DCC: variants seen among roughly 807,000 people sequenced by gnomAD.
DCC encodes the protein DCC netrin 1 receptor.
Under a neutral mutation model 172.5 loss-of-function variants are expected in DCC, and 58 were observed. The observed-to-expected ratio is 0.34, with a 90% CI of 0.27 to 0.42. The LOEUF is 0.42. Among genes scored for constraint, DCC ranks in the 10% least tolerant of loss-of-function variants. DCC has a pLI of 1.00. For synonymous variants in DCC, 709 were observed against 644.5 expected (o/e 1.10, Z -1.52); for missense variants, 1,740 against 1,791.0 (o/e 0.97, Z 0.51).
chr18:53,055,590 T>G (rs1370379403), intron 5 of DCC, among the ~76,000 whole-genome samples: 1 of 152,194 alleles, frequency 6.6e-6, no homozygotes, highest in Non-Finnish European at 1.5e-5. Context: ...TTCTACTCTC[T>G]TAAGGCTAGA....
chr18:52,650,274 C>A (rs550761907), intron 1 of DCC, among the ~76,000 whole-genome samples: 2 of 152,000 alleles, frequency 1.3e-5, no homozygotes, highest in Admixed American at 6.6e-5. Context: ...CCACCACACC[C>A]GGCCTCTATT....
At chr18:53,006,793 C>T (rs115848970) in intron 5 of DCC, among the ~76,000 whole-genome samples, 3,251 of 152,248 alleles carry the variant, frequency 0.021, 60 homozygotes, top group Admixed American at 0.039. Context: ...TTGTAAGTTC[C>T]GCTGAGTAGA....
chr18:52,411,215 C>T (rs1191689012), intron 1 of DCC, among the ~76,000 whole-genome samples: 1 of 152,146 alleles, frequency 6.6e-6, no homozygotes, highest in Non-Finnish European at 1.5e-5. Flanking sequence ...CCTCAGATCT[C>T]TTCAGGATGA....
chr18:52,873,501 C>G (rs921926098), intron 2 of DCC, among the ~76,000 whole-genome samples: 1 of 152,176 alleles, frequency 6.6e-6, no homozygotes, highest in Non-Finnish European at 1.5e-5. Flanking sequence ...CATATAAAAC[C>G]TTTTGGTCCT....
intron 14 of DCC, among the ~76,000 whole-genome samples, chr18:53,338,830 G>T (rs1254006558): frequency 6.6e-6 from 1 of 152,022 alleles, no homozygotes; most frequent in African/African-American, 2.4e-5. Flanking sequence ...ACTCATAATG[G>T]GTAAGTTTGC....
intron 21 of DCC, among the ~76,000 whole-genome samples, chr18:53,427,654 C>T (rs1031477481): frequency 8.6e-5 from 13 of 150,850 alleles, no homozygotes; most frequent in African/African-American, 2.7e-4. Context: ...AACTACTTTC[C>T]TGTTAACAAA....
At chr18:52,832,355 A>G (rs1403128693) in intron 2 of DCC, among the ~76,000 whole-genome samples, 1 of 152,118 alleles carries the variant, frequency 6.6e-6, no homozygotes, top group Non-Finnish European at 1.5e-5. Context: ...TGAGAACTCT[A>G]TTGTGGGGGG....
At chr18:52,796,556 TC>T (rs2037881430) in intron 2 of DCC, among the ~76,000 whole-genome samples, 1 of 152,198 alleles carries the variant, frequency 6.6e-6, no homozygotes, top group African/African-American at 2.4e-5. Context: ...ACTTTATTTT[TC>T]CTTCATTTTT....
chr18:52,795,933 T>C (rs2037867051), intron 2 of DCC, among the ~76,000 whole-genome samples: 1 of 152,048 alleles, frequency 6.6e-6, no homozygotes. Context: ...AATAATGTTA[T>C]TGAATCAATA....
intron 1 of DCC, among the ~76,000 whole-genome samples, chr18:52,529,144 A>G (rs1485400841): frequency 6.6e-6 from 1 of 152,238 alleles, no homozygotes; most frequent in East Asian, 1.9e-4. Flanking sequence ...ATGGTTTCCT[A>G]AATGTTATTG....
Position 53,530,934 on chromosome 18 carries a change from C to A in DCC, c.*281C>A. 1 of 518,566 alleles carries A rather than the reference C, an allele frequency of 1.9e-6. No homozygotes were observed. Among genetic ancestry groups the A allele is most frequent in the Admixed American group, 3.1e-5 (1 of 32,152 alleles). 32.1% of individuals were successfully genotyped at this position (518,566 alleles called of 1,614,324 possible). A position where few individuals can be genotyped will look rare whatever the true frequency, so the allele number is the denominator to read the frequency against. On this transcript the variant is annotated 3_prime_UTR_variant, in exon 29 of 29. Transcript: ENST00000442544. Reference sequence around the variant, plus strand: ...TTAAGCTGCTAGAATAGTCATGGGCCTTTGTCACTGCAGTGACCACACTGT... The same window carrying A: ...TTAAGCTGCTAGAATAGTCATGGGCATTTGTCACTGCAGTGACCACACTGT...
At chr18:52,561,074 G>C (rs138784759) in intron 1 of DCC, among the ~76,000 whole-genome samples, 1 of 152,016 alleles carries the variant, frequency 6.6e-6, no homozygotes, top group Admixed American at 6.6e-5. Flanking sequence ...TATAGGAAAA[G>C]AATATGCTCA....
chr18:52,697,465 C>T, intron 1 of DCC, among the ~76,000 whole-genome samples: 1 of 152,148 alleles, frequency 6.6e-6, no homozygotes, highest in Non-Finnish European at 1.5e-5. Flanking sequence ...TCTTCCTGTG[C>T]CTCAGTTTTC....
rs142338806 is a variant in DCC at position 53,480,632 on chromosome 18, T to C, written c.3737-6165T>C. Among the ~76,000 whole-genome samples the C allele has an allele frequency of 5.1e-3, 771 of 152,268 alleles. 6 individuals carry two copies. Among genetic ancestry groups the C allele is most frequent in the African/African-American group, 0.015 (609 of 41,562 alleles). ...TTGCAGCCTTGCAAATTAATTACAA[T>C]GCCCAACATTTATGGGGTGCTGACT... On this transcript the variant is annotated intron_variant, in intron 25 of 28. Coordinates refer to ENST00000442544, the MANE Select transcript of DCC (RefSeq NM_005215.4).
chr18:53,414,966 T>G (rs1350631016), intron 20 of DCC, among the ~76,000 whole-genome samples: 1 of 152,214 alleles, frequency 6.6e-6, no homozygotes, highest in Non-Finnish European at 1.5e-5. Flanking sequence ...TTGTAATTGA[T>G]TTCTGATTTA....
At chr18:53,153,445 T>A (rs528240338) in intron 7 of DCC, among the ~76,000 whole-genome samples, 2 of 152,162 alleles carry the variant, frequency 1.3e-5, no homozygotes, top group Non-Finnish European at 2.9e-5. Flanking sequence ...TCTGAACATG[T>A]AGTGCTCACA....
chr18:53,218,662 G>T (rs1193624659), intron 12 of DCC, among the ~76,000 whole-genome samples: 1 of 152,058 alleles, frequency 6.6e-6, no homozygotes, highest in Admixed American at 6.6e-5. Context: ...TAGTGAGGTG[G>T]TTATTTCTCA....
At chr18:53,407,376 A>C (rs1909723905) in intron 19 of DCC, among the ~76,000 whole-genome samples, 1 of 151,406 alleles carries the variant, frequency 6.6e-6, no homozygotes, top group African/African-American at 2.4e-5. Context: ...TAAAAAAGTA[A>C]TAAGATATGG....
intron 1 of DCC, among the ~76,000 whole-genome samples, chr18:52,664,717 C>T (rs368248805): frequency 1.1e-4 from 17 of 151,810 alleles, no homozygotes; most frequent in Admixed American, 9.2e-4. Context: ...GTGATCCGCC[C>T]GCCTCGGCCT....
Sources: gnomAD v4.1 joint callset for allele counts (sites outside exome capture counted in the v4.1 genomes callset) on GRCh38, gnomAD v4.1.1 for gene constraint, MANE v1.5 for transcripts, NCBI Gene and HGNC (gene_info 2026-07-23, HGNC 2026-07-21) for gene names.